Variants in KIRREL3 observed in about 807,000 individuals in gnomAD.
KIRREL3 encodes the protein kirre like nephrin family adhesion molecule 3, also known as kin of IRRE-like protein 3.
KIRREL3 carries 36 observed loss-of-function variants against 89.7 expected under a neutral mutation model. That is an observed-to-expected ratio of 0.40 (90% CI 0.31 to 0.53). The LOEUF (loss-of-function observed/expected upper bound fraction) is 0.53. Ranked by LOEUF, KIRREL3 falls within the 20% of genes least tolerant of loss-of-function variation. The probability of loss-of-function intolerance (pLI) is 0.49; values close to 1 mark genes in which losing one functional copy is unlikely to be tolerated. For synonymous variants in KIRREL3, 445 were observed against 441.4 expected (o/e 1.01, Z -0.10); for missense variants, 864 against 1,056.6 (o/e 0.82, Z 2.53).
chr11:126,657,270 A>AATCAATC (rs1555170324), intron 1 of KIRREL3, among the ~76,000 whole-genome samples: 15 of 149,180 alleles, frequency 1.0e-4, no homozygotes, highest in African/African-American at 2.7e-4. Flanking sequence ...ATAAATAAAT[A>AATCAATC]AATAAATAAA....
chr11:126,966,868 C>T (rs1246156476), intron 1 of KIRREL3, among the ~76,000 whole-genome samples: 1 of 152,158 alleles, frequency 6.6e-6, no homozygotes, highest in Non-Finnish European at 1.5e-5. Flanking sequence ...CAGAGCTGTC[C>T]TCAGTAAACA....
chr11:126,526,461 T>A lies in KIRREL3; in HGVS notation c.283+77A>T. 1 of 1,392,176 alleles carries A rather than the reference T, an allele frequency of 7.2e-7. No homozygotes were observed. The allele number at this position is 1,392,176 out of a possible 1,614,324, so 86.2% of individuals were successfully genotyped here. On this transcript the variant is annotated intron_variant, in intron 3 of 16. Transcript: ENST00000525144. This position sits in a 1 kb window ranked among gnomAD's most constrained non-coding sequence, Gnocchi z 5.7. ...ATACTCAGACACCTGTGAAGATGGG[T>A]GCTCCCTAGGAAGGTGGATGGGTGA...
At chr11:126,671,952 G>C (rs554126321) in intron 1 of KIRREL3, among the ~76,000 whole-genome samples, 1 of 152,112 alleles carries the variant, frequency 6.6e-6, no homozygotes, top group African/African-American at 2.4e-5. Flanking sequence ...GAAAACTTAC[G>C]TGCACACAAA....
intron 1 of KIRREL3, among the ~76,000 whole-genome samples, chr11:126,806,428 T>A (rs1157998842): frequency 6.6e-6 from 1 of 152,178 alleles, no homozygotes; most frequent in Non-Finnish European, 1.5e-5. Context: ...TCCTCTTCAG[T>A]CCTAAGATTC....
intron 12 of KIRREL3, 107 bp from the exon 13 acceptor site, chr11:126,435,410 C>T (rs1254822554): frequency 8.9e-7 from 1 of 1,128,766 alleles, no homozygotes; most frequent in African/African-American, 1.5e-5. Flanking sequence ...GCTCCTTTCC[C>T]AGTCATGTCT....
chr11:126,483,677 A>T (rs966735200), intron 4 of KIRREL3, among the ~76,000 whole-genome samples: 1 of 152,248 alleles, frequency 6.6e-6, no homozygotes, highest in Non-Finnish European at 1.5e-5. Context: ...GGTTCTCTCC[A>T]GTGAGGTCTC....
chr11:126,879,929 G>A lies in KIRREL3; in HGVS notation c.55+120526C>T, dbSNP rs1203711816. Reference sequence around the variant, plus strand: ...CCCCCACCACCCCGCCGCCATCTCAGTTATTCAAGAAGGAAGCCATGGTAT... The same window carrying A: ...CCCCCACCACCCCGCCGCCATCTCAATTATTCAAGAAGGAAGCCATGGTAT... On this transcript the variant is annotated intron_variant, in intron 1 of 16. Coordinates refer to ENST00000525144, the MANE Select transcript of KIRREL3 (RefSeq NM_032531.4). The surrounding 1 kb of genome is among the most constrained non-coding windows in gnomAD (Gnocchi z 5.4). Among the ~76,000 whole-genome samples the A allele has an allele frequency of 5.3e-5, 8 of 152,164 alleles. No individual in the cohort carries two copies. The highest frequency in any genetic ancestry group is 1.7e-4 in the African/African-American group (7 of 41,444).
chr11:126,705,368 T>C lies in KIRREL3; in HGVS notation c.56-142456A>G, dbSNP rs1354336573. Among the ~76,000 whole-genome samples, 1 of 152,200 alleles carries C rather than the reference T, an allele frequency of 6.6e-6. No homozygotes were observed. The highest frequency in any genetic ancestry group is 1.9e-4 in the East Asian group (1 of 5,184). On this transcript the variant is annotated intron_variant, in intron 1 of 16. Transcript: ENST00000525144. The surrounding 1 kb of genome is among the most constrained non-coding windows in gnomAD (Gnocchi z 4.3). Reference sequence around the variant, plus strand: ...TGGTTTGGCACTAACCTCTTGGTGATAAGTGAGTTGTTGATCAGTTTGTTC... The same window carrying C: ...TGGTTTGGCACTAACCTCTTGGTGACAAGTGAGTTGTTGATCAGTTTGTTC...
At chr11:126,726,364 A>T (rs1484883610) in intron 1 of KIRREL3, among the ~76,000 whole-genome samples, 1 of 151,150 alleles carries the variant, frequency 6.6e-6, no homozygotes. Context: ...GAACTACACA[A>T]GATGCCTCCT....
At chr11:126,849,335 G>C (rs532128617) in intron 1 of KIRREL3, among the ~76,000 whole-genome samples, 2 of 152,146 alleles carry the variant, frequency 1.3e-5, no homozygotes, top group Non-Finnish European at 2.9e-5. Context: ...ACATCATCAA[G>C]AAATAACCAT....
chr11:126,526,389 C>T lies in KIRREL3; in HGVS notation c.283+149G>A, dbSNP rs1271806188. 2.6e-6 allele frequency: 2 copies of T among 779,754 alleles called. No individual in the cohort carries two copies. Among genetic ancestry groups the T allele is most frequent in the East Asian group, 5.4e-5 (2 of 36,740 alleles). The allele number at this position is 779,754 out of a possible 1,614,324, so 48.3% of individuals were successfully genotyped here. A position where few individuals can be genotyped will look rare whatever the true frequency, so the allele number is the denominator to read the frequency against. ...CTAGGGATGCTGGGTGCAGTGCTTG[C>T]CTAGCCTGACTCTGCCTGAGGAGTT... On this transcript the variant is annotated intron_variant, in intron 3 of 16. Transcript: ENST00000525144. This position sits in a 1 kb window ranked among gnomAD's most constrained non-coding sequence, Gnocchi z 5.7.
At chr11:126,967,923 G>A (rs959307920) in intron 1 of KIRREL3, among the ~76,000 whole-genome samples, 1 of 152,114 alleles carries the variant, frequency 6.6e-6, no homozygotes, top group Non-Finnish European at 1.5e-5. Flanking sequence ...TAATGCCAAG[G>A]TTGAGAAATC....
In KIRREL3 at chr11:126,708,613, C is replaced by A. The variant is rs960801675; in HGVS notation, c.56-145701G>T. Among the ~76,000 whole-genome samples, 1 of 152,156 alleles carries A rather than the reference C, an allele frequency of 6.6e-6. No individual in the cohort carries two copies. On this transcript the variant is annotated intron_variant, in intron 1 of 16. Transcript: ENST00000525144. The surrounding 1 kb of genome is among the most constrained non-coding windows in gnomAD (Gnocchi z 5.7). ...GAAGGAAGGAGGGCGTTCGGCTCAA[C>A]GTCCAGGAGAGGCACCGGCGAACTC... is the stretch of plus-strand genomic sequence containing the variant.
At position 126,754,776 on chromosome 11, in the gene KIRREL3, G is replaced by T. The variant is rs1949439690; in HGVS notation, c.56-191864C>A. Among the ~76,000 whole-genome samples the T allele has an allele frequency of 6.6e-6, 1 of 152,116 alleles. No homozygotes were observed. Among genetic ancestry groups the T allele is most frequent in the Non-Finnish European group, 1.5e-5 (1 of 68,026 alleles). ...CAGGTTGGAAGGATAGAAGCTGATG[G>T]TGAATCCAACAGTTTCCTAAAATAT... On this transcript the variant is annotated intron_variant, in intron 1 of 16. Coordinates refer to ENST00000525144, the MANE Select transcript of KIRREL3 (RefSeq NM_032531.4). The surrounding 1 kb of genome is among the most constrained non-coding windows in gnomAD (Gnocchi z 5.1).
rs974301858 is a variant in KIRREL3, at chr11:126,431,085, T to C, written c.1696+334A>G. On this transcript the variant is annotated intron_variant, in intron 14 of 16. Coordinates refer to ENST00000525144, the MANE Select transcript of KIRREL3 (RefSeq NM_032531.4). The surrounding 1 kb of genome is among the most constrained non-coding windows in gnomAD (Gnocchi z 7.1). The stretch of plus-strand genomic sequence containing the variant: ...GGTCTCTCTAGACTAACAGCTCTTG[T>C]AGAGCAAGGATCAAACCACAAACCG... The C allele has an allele frequency of 1.2e-5, 16 of 1,384,954 alleles. No individual in the cohort carries two copies. The highest frequency in any genetic ancestry group is 1.5e-5 in the Non-Finnish European group (16 of 1,071,972). The allele number at this position is 1,384,954 out of a possible 1,614,324, so 85.8% of individuals were successfully genotyped here.
At chr11:126,595,274 G>C (rs1441704439) in intron 1 of KIRREL3, among the ~76,000 whole-genome samples, 1 of 152,174 alleles carries the variant, frequency 6.6e-6, no homozygotes, top group Non-Finnish European at 1.5e-5. Flanking sequence ...TGGCTCTGGA[G>C]AAATGCAGTC....
In KIRREL3 at chr11:126,682,252, C is replaced by T. The variant is rs1001008993; in HGVS notation, c.56-119340G>A. Reference sequence around the variant, plus strand: ...TGCTGAAACACTTCTTAAATGTGTTCCCTCCTATGCATTCTGCTATGCATA... The same window carrying T: ...TGCTGAAACACTTCTTAAATGTGTTTCCTCCTATGCATTCTGCTATGCATA... On this transcript the variant is annotated intron_variant, in intron 1 of 16. Coordinates refer to ENST00000525144, the MANE Select transcript of KIRREL3 (RefSeq NM_032531.4). This position sits in a 1 kb window ranked among gnomAD's most constrained non-coding sequence, Gnocchi z 4.8. The T allele has an allele frequency of 2.8e-5, 6 of 211,036 alleles. No homozygotes were observed. The highest frequency in any genetic ancestry group is 4.9e-5 in the Non-Finnish European group (5 of 102,728). The allele number at this position is 211,036 out of a possible 1,614,324, so 13.1% of individuals were successfully genotyped here.
chr11:126,969,932 C>A lies in KIRREL3; in HGVS notation c.55+30523G>T, dbSNP rs948834234. ...TTGTAGGGCTGGTAGTTAGTTCCAG[C>A]AAAACCATTGAGGGGAAACAAAGGA... On this transcript the variant is annotated intron_variant, in intron 1 of 16. Coordinates refer to ENST00000525144, the MANE Select transcript of KIRREL3 (RefSeq NM_032531.4). This position sits in a 1 kb window ranked among gnomAD's most constrained non-coding sequence, Gnocchi z 4.9. Among the ~76,000 whole-genome samples, 8 of 152,162 alleles carry A rather than the reference C, an allele frequency of 5.3e-5. No homozygotes were observed. The highest frequency in any genetic ancestry group is 8.8e-5 in the Non-Finnish European group (6 of 68,032).
At chr11:126,922,599 A>AGGGACCT (rs1947398162) in intron 1 of KIRREL3, among the ~76,000 whole-genome samples, 1 of 151,846 alleles carries the variant, frequency 6.6e-6, no homozygotes, top group South Asian at 2.1e-4. Flanking sequence ...TCCCACTTCT[A>AGGGACCT]GGGACCTTGT....
Sources: allele counts gnomAD v4.1 joint callset (sites outside exome capture counted in the v4.1 genomes callset), GRCh38; gene constraint gnomAD v4.1.1; non-coding constraint Gnocchi (gnomAD v3.1); transcripts MANE v1.5; gene names NCBI Gene and HGNC (gene_info 2026-07-23, HGNC 2026-07-21).